CALR3: variants seen among roughly 807,000 people sequenced by gnomAD.
CALR3 encodes the protein calreticulin 3, also known as calreticulin-3.
A neutral mutation model predicts 48.7 loss-of-function variants in CALR3; 39 were observed. The ratio of observed to expected loss-of-function variants is 0.80; its 90% CI spans 0.62 to 1.05. The LOEUF is 1.05. Ranked by LOEUF, CALR3 falls within the 50% of genes least tolerant of loss-of-function variation. The pLI is 0.00. For synonymous variants in CALR3, 185 were observed against 172.7 expected, an observed-to-expected ratio of 1.07 and a Z score of -0.56; for missense variants, 449 against 474.7, an observed-to-expected ratio of 0.95 and a Z score of 0.50.
At chr19:16,495,156 A>G (rs2093404617) in intron 2 of CALR3, among the ~76,000 whole-genome samples, 2 of 148,320 alleles carry the variant, frequency 1.3e-5, no homozygotes, top group Admixed American at 6.8e-5. Context: ...AACCCGGGAG[A>G]CGGAGGTTTG....
Position 16,496,069 on chromosome 19 carries a change from C to T in CALR3, c.61G>A (p.Val21Ile), listed in dbSNP as rs776652603. 1.9e-6 allele frequency: 3 copies of T among 1,604,362 alleles called. No individual in the cohort carries two copies. Among genetic ancestry groups the T allele is most frequent in the Middle Eastern group, 1.7e-4 (1 of 5,934 alleles). Residue 21 changes from valine to isoleucine, a missense_variant, in exon 1 of 9, where the codon GTC (valine) becomes ATC (isoleucine). By Grantham distance (29) the Val-to-Ile change is conservative. Coordinates refer to ENST00000269881, the MANE Select transcript of CALR3 (RefSeq NM_145046.5). ...ICMLRVALAT[V>I]YFQEEFLDGE... is the part of the protein sequence containing the mutation. Reference sequence around the variant, plus strand: ...TCTAGAAATTCCTCTTGGAAATAGACGGTAGCCAGCGCCACTCGCAGCATG... The same window carrying T: ...TCTAGAAATTCCTCTTGGAAATAGATGGTAGCCAGCGCCACTCGCAGCATG...
intron 6 of CALR3, 27 bp downstream of exon 6, chr19:16,482,651 C>A (rs748464770): frequency 2.5e-6 from 4 of 1,614,098 alleles, no homozygotes; most frequent in Non-Finnish European, 3.4e-6. Flanking sequence ...TGGGGCATCC[C>A]TGGCATCATA....
At chr19:16,481,558 A>C (rs2093380788) in intron 7 of CALR3, among the ~76,000 whole-genome samples, 1 of 148,558 alleles carries the variant, frequency 6.7e-6, no homozygotes, top group East Asian at 2.0e-4. Context: ...GGCTCACTGC[A>C]ACCTCCACTT....
Position 16,480,716 on chromosome 19 carries a change from A to C in CALR3, c.919-10T>G, listed in dbSNP as rs888413341. ...TGGTTCCAGATCTCACCTGCAGATG[A>C]AAATAAGGCCTTCATTATTATGCTT... On this transcript the variant is annotated splice_polypyrimidine_tract_variant and intron_variant, in intron 7 of 8. Coordinates refer to ENST00000269881, the MANE Select transcript of CALR3 (RefSeq NM_145046.5). 7.8e-6 allele frequency: 12 copies of C among 1,545,208 alleles called. No individual in the cohort carries two copies. The highest frequency in any genetic ancestry group is 1.1e-5 in the Non-Finnish European group (12 of 1,117,556).
rs1568484567 is a variant in CALR3, at chr19:16,479,278, GAGAA to G, written c.1012-8_1012-5del. The G allele has an allele frequency of 1.9e-6, 3 of 1,613,858 alleles. No individual in the cohort carries two copies. The South Asian group carries it at 3.3e-5, about 18-fold the overall frequency. ...CATCCATCTCCCTTTCTGGACCCTG[GAGAA>G]AGAAAGAAAAAACATAAGCCCCACC... On this transcript the variant is annotated splice_polypyrimidine_tract_variant and splice_region_variant and intron_variant, in intron 8 of 8. Transcript: ENST00000269881.
intron 7 of CALR3, among the ~76,000 whole-genome samples, 167 bp downstream of exon 7, chr19:16,482,283 G>A (rs2093382090): frequency 6.6e-6 from 1 of 152,028 alleles, no homozygotes; most frequent in Admixed American, 6.6e-5. Flanking sequence ...TTGGGAGGCT[G>A]AGGTGGGAGG....
At chr19:16,487,866 T>G (rs1287067515) in intron 3 of CALR3, among the ~76,000 whole-genome samples, 1 of 150,966 alleles carries the variant, frequency 6.6e-6, no homozygotes, top group Non-Finnish European at 1.5e-5. Flanking sequence ...CAGGCTGGAG[T>G]GCAGTGGCGT....
chr19:16,485,520 A>G (rs1410949442), intron 3 of CALR3, among the ~76,000 whole-genome samples: 1 of 152,086 alleles, frequency 6.6e-6, no homozygotes, highest in Non-Finnish European at 1.5e-5. Flanking sequence ...GGGTTTCACC[A>G]TGCTGGCCAG....
chr19:16,490,424 GA>G lies in CALR3; in HGVS notation c.339del (p.Pro114LeufsTer9). 1 of 1,614,132 alleles carries G rather than the reference GA, an allele frequency of 6.2e-7. No individual in the cohort carries two copies. Among genetic ancestry groups the G allele is most frequent in the African/African-American group, 1.3e-5 (1 of 75,024 alleles). The stretch of plus-strand genomic sequence containing the variant: ...AGGTTCTTCTGGTCAATGTCTGCAG[GA>G]AAGACCTTAATGTAGCCCCCTCCAC... The part of the protein sequence containing the change: ...MDCGGGYIKV[F>X]PADIDQKNLN... On this transcript the variant is annotated frameshift_variant, in exon 3 of 9. Coordinates refer to ENST00000269881, the MANE Select transcript of CALR3 (RefSeq NM_145046.5). LOFTEE classifies it high-confidence loss of function.
At chr19:16,485,332 T>TTTTC (rs916127369) in intron 3 of CALR3, 75 bp from the exon 4 acceptor site, 2 of 305,256 alleles carry the variant, frequency 6.6e-6, no homozygotes, top group African/African-American at 4.7e-5. Flanking sequence ...ACAACCATTC[T>TTTTC]TTTTTTTTTT....
At chr19:16,490,667 A>T in intron 2 of CALR3, 97 bp from the exon 3 acceptor site, 2 of 1,070,336 alleles carry the variant, frequency 1.9e-6, no homozygotes, top group Non-Finnish European at 2.9e-6. Flanking sequence ...CCAAACATAA[A>T]TGTCCTAACC....
Position 16,482,736 on chromosome 19 carries a change from C to T in CALR3, c.728G>A (p.Trp243Ter), listed in dbSNP as rs1167634332. Residue 243 changes from tryptophan (W) to a stop codon, truncating the protein, a stop_gained, in exon 6 of 9, where the codon TGG becomes TAG. Transcript: ENST00000269881. LOFTEE classifies it high-confidence loss of function. ...LDASTSKQSD[W>*]NGDLDGDWPA... is the part of the protein sequence containing the mutation. ...CCAGTCCCCATCCAGGTCACCGTTC[C>T]AGTCGCTCTGCTTGCTGGTGCTGGC... is the stretch of plus-strand genomic sequence containing the variant. The T allele has an allele frequency of 1.3e-5, 21 of 1,613,926 alleles. No individual in the cohort carries two copies. The highest frequency in any genetic ancestry group is 1.7e-5 in the Non-Finnish European group (20 of 1,179,966).
At position 16,484,007 on chromosome 19, in the gene CALR3, T is replaced by G. The variant is rs775484097; in HGVS notation, c.601A>C (p.Asn201His). 6.2e-7 allele frequency: 1 copy of G among 1,614,068 alleles called. No homozygotes were observed. The highest frequency in any genetic ancestry group is 1.3e-5 in the African/African-American group (1 of 75,012). Reference protein sequence around the residue: ...IESGSIEYDWNLTSLKKETSP... With the variant: ...IESGSIEYDWHLTSLKKETSP... The stretch of plus-strand genomic sequence containing the variant: ...GTTTCCTTCTTGAGTGATGTTAAGT[T>G]CCAGTCGTACTCTATGCTGCCGGAT... Residue 201 changes from asparagine (N) to histidine (H), a missense_variant, in exon 5 of 9, where the codon AAC (asparagine) becomes CAC (histidine). Asn to His is a moderately conservative substitution (Grantham distance 68). Transcript: ENST00000269881.
At chr19:16,479,701 G>A (rs1488004125) in intron 8 of CALR3, among the ~76,000 whole-genome samples, 2 of 151,696 alleles carry the variant, frequency 1.3e-5, no homozygotes, top group African/African-American at 4.8e-5. Context: ...GGAGGTTGCA[G>A]TGAGTCGAGA....
intron 4 of CALR3, 22 bp from the exon 5 acceptor site, chr19:16,484,137 G>T: frequency 6.3e-7 from 1 of 1,598,064 alleles, no homozygotes; most frequent in Non-Finnish European, 8.6e-7. Context: ...AGGGGGAAAA[G>T]CGTAACAATT....
At position 16,485,217 on chromosome 19, in the gene CALR3, A is replaced by T. The variant is rs771419918; in HGVS notation, c.438T>A (p.Val146=). 2 of 1,610,936 alleles carry T rather than the reference A, an allele frequency of 1.2e-6. No individual in the cohort carries two copies. Among genetic ancestry groups the T allele is most frequent in the South Asian group, 2.2e-5 (2 of 90,948 alleles). Reference sequence around the variant, plus strand: ...GATACTTATTCTTGAAATGTAAAATAACATGAACTTTCTTGATATCAAATC... The same window carrying T: ...GATACTTATTCTTGAAATGTAAAATTACATGAACTTTCTTGATATCAAATC... ...ICGFDIKKVH[V]ILHFKNKYHE... The change falls in exon 4 of 9, where the codon GTT becomes GTA. Residue 146 remains valine, a synonymous_variant. Transcript: ENST00000269881.
intron 3 of CALR3, among the ~76,000 whole-genome samples, chr19:16,488,105 G>A (rs937039216): frequency 4.6e-5 from 7 of 151,782 alleles, no homozygotes; most frequent in African/African-American, 1.2e-4. Flanking sequence ...GAGCCACCGC[G>A]CCCGGCTCTA....
chr19:16,483,825 TA>T, intron 5 of CALR3, 104 bp downstream of exon 5: 1 of 1,198,536 alleles, frequency 8.3e-7, no homozygotes, highest in Non-Finnish European at 1.2e-6. Context: ...TTTGGTTCTA[TA>T]ATATTGCCAT....
chr19:16,490,557 A>G lies in CALR3; in HGVS notation c.207T>C (p.Thr69=). The change falls in exon 3 of 9, where the codon ACT becomes ACC. Residue 69 remains threonine (T), a synonymous_variant. Transcript: ENST00000269881. ...AGATGGCATAGAATCGGCCATTCTG[A>G]GTGGTTTGCAGACCTTTGAACAAAA... ...HKEKDKGLQT[T]QNGRFYAISA... is the part of the protein sequence containing the mutation. The G allele has an allele frequency of 6.2e-7, 1 of 1,614,076 alleles. No homozygotes were observed. Among genetic ancestry groups the G allele is most frequent in the Non-Finnish European group, 8.5e-7 (1 of 1,180,008 alleles).
Sources: allele counts gnomAD v4.1 joint callset (sites outside exome capture counted in the v4.1 genomes callset), GRCh38; gene constraint gnomAD v4.1.1; transcripts MANE v1.5; gene names NCBI Gene and HGNC (gene_info 2026-07-23, HGNC 2026-07-21).